ZZEF1: variants seen among roughly 807,000 people sequenced by gnomAD.
ZZEF1 encodes zinc finger ZZ-type and EF-hand domain-containing protein 1.
A neutral mutation model predicts 342.8 loss-of-function variants in ZZEF1; 157 were observed. The observed-to-expected ratio is 0.46, with a 90% confidence interval of 0.40 to 0.52. The LOEUF (loss-of-function observed/expected upper bound fraction) is 0.52. ZZEF1 is among the 20% of genes least tolerant of loss of function. The pLI is 0.00. For synonymous variants in ZZEF1, 1,505 were observed against 1,429.1 expected, an observed-to-expected ratio of 1.05 and a Z score of -1.20; for missense variants, 3,480 against 3,725.6, an observed-to-expected ratio of 0.93 and a Z score of 1.72.
In ZZEF1 at chr17:4,104,668, A is replaced by G. The variant is rs368350455; in HGVS notation, c.1538T>C (p.Met513Thr). Reference protein sequence around the residue: ...QYDASSLILSMASVRQNLLLK... With the variant: ...QYDASSLILSTASVRQNLLLK... ...GAGCAGGTTCTGTCTGACTGACGCC[A>G]TGGACAAGATGAGGGATGAGGCATC... The change falls in exon 8 of 55, where the codon ATG becomes ACG. Residue 513 changes from methionine to threonine, a missense_variant. Physicochemically the swap from Met to Thr is moderately conservative, Grantham distance 81. This residue lies in a region of ZZEF1 where 1,528 missense variants were observed against 1,624.1 expected (regional missense o/e 0.94). Coordinates refer to ENST00000381638, the MANE Select transcript of ZZEF1 (RefSeq NM_015113.4). 1.7e-4 allele frequency: 269 copies of G among 1,614,018 alleles called. 1 individual carries two copies. Among genetic ancestry groups the G allele is most frequent in the Admixed American group, 3.8e-4 (23 of 60,008 alleles).
chr17:4,041,884 T>TA (rs969706603), intron 39 of ZZEF1, among the ~76,000 whole-genome samples: 37 of 149,430 alleles, frequency 2.5e-4, no homozygotes, highest in South Asian at 4.2e-4. Context: ...GATCCTGATT[T>TA]AAAAAAAAAA....
intron 14 of ZZEF1, 69 bp downstream of exon 14, chr17:4,087,365 C>A: frequency 1.8e-5 from 23 of 1,290,930 alleles, no homozygotes; most frequent in Middle Eastern, 2.0e-4. Flanking sequence ...GAAAAAAATC[C>A]ACTTAGAATA....
In ZZEF1 at chr17:4,050,873, A is replaced by G; in HGVS notation, c.5771T>C (p.Leu1924Pro). ...ASAEDVDGEK[L>P]DPQTRSSATT... Reference sequence around the variant, plus strand: ...GGCACTGCTGCGCGTCTGGGGGTCCAGCTTCTCCCCATCCACATCCTCTGC... The same window carrying G: ...GGCACTGCTGCGCGTCTGGGGGTCCGGCTTCTCCCCATCCACATCCTCTGC... The change falls in exon 36 of 55, where the codon CTG becomes CCG. Residue 1924 changes from leucine to proline, a missense_variant. By Grantham distance (98) the Leu-to-Pro change is moderately conservative. Around this residue, in one of 5 missense-constraint regions of ZZEF1, gnomAD observed 1,269 missense variants for 1,342.4 expected, o/e 0.95. Transcript: ENST00000381638. 1 of 1,614,222 alleles carries G rather than the reference A, an allele frequency of 6.2e-7. No individual in the cohort carries two copies. The highest frequency in any genetic ancestry group is 8.5e-7 in the Non-Finnish European group (1 of 1,180,044).
At chr17:4,064,854 T>TC in intron 28 of ZZEF1, 25 bp from the exon 29 acceptor site, 1 of 1,172,012 alleles carries the variant, frequency 8.5e-7, no homozygotes, top group African/African-American at 3.5e-5. Flanking sequence ...GAATCATAAT[T>TC]GAAAAAAAAA....
intron 5 of ZZEF1, among the ~76,000 whole-genome samples, chr17:4,111,645 C>T (rs1170418173): frequency 8.1e-5 from 9 of 111,620 alleles, no homozygotes; most frequent in Admixed American, 6.4e-4. Context: ...GGCGACAATG[C>T]GAGGCTCTGT....
At chr17:4,118,367 A>G (rs1018998543) in intron 2 of ZZEF1, among the ~76,000 whole-genome samples, 8 of 152,148 alleles carry the variant, frequency 5.3e-5, no homozygotes, top group Non-Finnish European at 1.2e-4. Flanking sequence ...CTGTCTCTCA[A>G]AAGAAGAGTA....
chr17:4,124,713 C>T (rs1328721136), intron 1 of ZZEF1, among the ~76,000 whole-genome samples: 1 of 151,974 alleles, frequency 6.6e-6, no homozygotes, highest in Non-Finnish European at 1.5e-5. Context: ...CCACCTCAGC[C>T]TCCCAAAGTG....
chr17:4,079,792 T>C (rs1203353869), intron 18 of ZZEF1, among the ~76,000 whole-genome samples: 1 of 152,118 alleles, frequency 6.6e-6, no homozygotes, highest in Non-Finnish European at 1.5e-5. Context: ...CAGCTGGGAA[T>C]GAATGAAATC....
At chr17:4,042,323 T>A in intron 39 of ZZEF1, 106 bp downstream of exon 39, 15 of 1,261,170 alleles carry the variant, frequency 1.2e-5, no homozygotes, top group Non-Finnish European at 1.7e-5. Flanking sequence ...AATCCTACCC[T>A]TAAGGCTACA....
Position 4,070,829 on chromosome 17 carries a change from A to G in ZZEF1, c.3930T>C (p.Leu1310=). The change falls in exon 26 of 55, where the codon CTT becomes CTC. Residue 1310 remains leucine, a synonymous_variant. Coordinates refer to ENST00000381638, the MANE Select transcript of ZZEF1 (RefSeq NM_015113.4). ...TACATGCCTGTATGAATCCTTTGAA[A>G]AGTTCTGAATATGGCCCACAGAAGT... ...AQNFCGPYSE[L]FKGFIQACRK... 1 of 1,614,194 alleles carries G rather than the reference A, an allele frequency of 6.2e-7. No individual in the cohort carries two copies. The highest frequency in any genetic ancestry group is 8.5e-7 in the Non-Finnish European group (1 of 1,180,050).
chr17:4,055,373 T>C (rs1236630170), intron 33 of ZZEF1, among the ~76,000 whole-genome samples: 5 of 152,158 alleles, frequency 3.3e-5, no homozygotes. Context: ...ACTTAGAAAA[T>C]GAATGAATCT....
chr17:4,017,785 G>C lies in ZZEF1; in HGVS notation c.7641+51C>G, dbSNP rs1171658493. 4 of 1,613,688 alleles carry C rather than the reference G, an allele frequency of 2.5e-6. No individual in the cohort carries two copies. The highest frequency in any genetic ancestry group is 1.6e-4 in the Middle Eastern group (1 of 6,062). The stretch of plus-strand genomic sequence containing the variant: ...TCTAGCCTTCTTACAGTGGTGGTAT[G>C]GGGTGGGGGATGGGGTGCAGATACT... On this transcript the variant is annotated intron_variant, in intron 47 of 54. Coordinates refer to ENST00000381638, the MANE Select transcript of ZZEF1 (RefSeq NM_015113.4). This position sits in a 1 kb window ranked among gnomAD's most constrained non-coding sequence, Gnocchi z 5.1.
At chr17:4,051,099 CA>C (rs2057036501) in intron 35 of ZZEF1, 56 bp from the exon 36 acceptor site, 1 of 1,612,952 alleles carries the variant, frequency 6.2e-7, no homozygotes, top group Admixed American at 1.7e-5. Context: ...TTTGTGGCTC[CA>C]AACAGGAGCA....
chr17:4,082,352 G>T, intron 17 of ZZEF1, 85 bp downstream of exon 17: 3 of 1,320,486 alleles, frequency 2.3e-6, no homozygotes, highest in Non-Finnish European at 3.2e-6. Flanking sequence ...CTACTTCGAA[G>T]GCACATGAAA....
Position 4,006,766 on chromosome 17 carries a change from CTG to C in ZZEF1, c.*122_*123del. ...GAGACGTGGCTGCTTGGCATCCTAACTGGAGTGGTCAGCTCAAGGAGAGCTGG... is the reference window on the plus strand; with the variant it reads ...GAGACGTGGCTGCTTGGCATCCTAACGAGTGGTCAGCTCAAGGAGAGCTGG... On this transcript the variant is annotated 3_prime_UTR_variant, in exon 55 of 55. Transcript: ENST00000381638. 9.9e-7 allele frequency: 1 copy of C among 1,011,552 alleles called. No homozygotes were observed. Among genetic ancestry groups the C allele is most frequent in the Non-Finnish European group, 1.5e-6 (1 of 658,958 alleles). 62.7% of individuals were successfully genotyped at this position (1,011,552 alleles called of 1,614,324 possible). A position where few individuals can be genotyped will look rare whatever the true frequency, so the allele number is the denominator to read the frequency against.
rs1273353538 is a variant in ZZEF1 at position 4,054,172 on chromosome 17, G to A, written c.5319C>T (p.Tyr1773=). Residue 1773 remains tyrosine, a synonymous_variant, in exon 34 of 55, where the codon TAC becomes TAT. Transcript: ENST00000381638. ...QRKMHMFIAR[Y]CDLLNVDISC... ...AGATGTCCACATTTAACAGGTCACA[G>A]TAGCGAGCAATGAACATGTGCATCT... is the stretch of plus-strand genomic sequence containing the variant. 6.2e-7 allele frequency: 1 copy of A among 1,613,322 alleles called. No individual in the cohort carries two copies. Among genetic ancestry groups the A allele is most frequent in the African/African-American group, 1.3e-5 (1 of 74,916 alleles).
At chr17:4,089,562 C>G (rs1171230061) in intron 12 of ZZEF1, among the ~76,000 whole-genome samples, 1 of 152,270 alleles carries the variant, frequency 6.6e-6, no homozygotes, top group Non-Finnish European at 1.5e-5. Context: ...AAAGACACCT[C>G]TCTTGAGTTG....
chr17:4,026,330 A>G (rs1234310154), intron 42 of ZZEF1, among the ~76,000 whole-genome samples: 1 of 152,180 alleles, frequency 6.6e-6, no homozygotes, highest in African/African-American at 2.4e-5. Context: ...TGTAAATCTA[A>G]GGAGCTCAAT....
rs200060112 is a variant in ZZEF1, at chr17:4,051,972, C to T, written c.5599G>A (p.Gly1867Ser). 1.5e-4 allele frequency: 246 copies of T among 1,613,494 alleles called. No individual in the cohort carries two copies. Among genetic ancestry groups the T allele is most frequent in the East Asian group, 5.4e-4 (24 of 44,840 alleles). The part of the protein sequence containing the change: ...GCYAAKKYSY[G>S]HLPTHSITAH... ...TGGCGACGGTCACTTGAGACATACC[C>T]GTAGGAGTATTTCTTCGCTGCATAG... The change falls in exon 35 of 55, where the codon GGC becomes AGC. Residue 1867 changes from glycine to serine, a missense_variant and splice_region_variant. Gly to Ser is a moderately conservative substitution (Grantham distance 56). This residue lies in a region of ZZEF1 where 175 missense variants were observed against 254.6 expected (regional missense o/e 0.69). Coordinates refer to ENST00000381638, the MANE Select transcript of ZZEF1 (RefSeq NM_015113.4).
Sources: allele counts gnomAD v4.1 joint callset (sites outside exome capture counted in the v4.1 genomes callset), GRCh38; gene constraint gnomAD v4.1.1; regional missense constraint gnomAD v4.1.1; non-coding constraint Gnocchi (gnomAD v3.1); transcripts MANE v1.5; gene names NCBI Gene and HGNC (gene_info 2026-07-23, HGNC 2026-07-21).